Variants in SRGAP3 observed in about 807,000 individuals in gnomAD.
SRGAP3 encodes the protein SLIT-ROBO Rho GTPase activating protein 3, also known as SLIT-ROBO Rho GTPase-activating protein 3.
Under a neutral mutation model 121.1 loss-of-function variants are expected in SRGAP3, and 39 were observed. The ratio of observed to expected loss-of-function variants is 0.32; its 90% confidence interval spans 0.25 to 0.42. The LOEUF is 0.42. SRGAP3 is among the 10% of genes least tolerant of loss of function. The pLI, the probability that SRGAP3 is intolerant of heterozygous loss-of-function variation, is 1.00. For missense variants in SRGAP3, 1,213 were observed against 1,470.6 expected (o/e 0.82, Z 2.86); for synonymous variants, 601 against 570.0 (o/e 1.05, Z -0.77).
At chr3:9,015,852 TCCCCCACATATGAGGC>T in intron 14 of SRGAP3, 121 bp from the exon 15 acceptor site, 2 of 1,216,148 alleles carry the variant, frequency 1.6e-6, no homozygotes, top group South Asian at 2.5e-5. Flanking sequence ...GGGAAAAGTC[TCCCCCACATATGAGGC>T]CCCCCACTTC....
chr3:9,176,808 A>G (rs1951195712), intron 1 of SRGAP3, among the ~76,000 whole-genome samples: 1 of 152,184 alleles, frequency 6.6e-6, no homozygotes, highest in South Asian at 2.1e-4. Context: ...GGGCTAAGCC[A>G]TTCAAGAGGG....
intron 3 of SRGAP3, among the ~76,000 whole-genome samples, chr3:9,080,492 A>G (rs746611550): frequency 3.9e-5 from 6 of 152,172 alleles, no homozygotes; most frequent in Non-Finnish European, 7.3e-5. Context: ...GGTTCCATAG[A>G]ACACACTTTG....
intron 14 of SRGAP3, 48 bp downstream of exon 14, chr3:9,025,213 C>T: frequency 1.3e-6 from 2 of 1,599,304 alleles, no homozygotes; most frequent in South Asian, 2.2e-5. Flanking sequence ...TGAATATTCA[C>T]CCTGGCTTCC....
chr3:9,161,649 G>C (rs1287494181), intron 1 of SRGAP3, among the ~76,000 whole-genome samples: 4 of 152,202 alleles, frequency 2.6e-5, no homozygotes, highest in Non-Finnish European at 4.4e-5. Context: ...CCAGGACAGA[G>C]TTGCATTCTC....
chr3:9,251,942 A>C (rs1954027741), upstream of SRGAP3, among the ~76,000 whole-genome samples: 1 of 152,196 alleles, frequency 6.6e-6, no homozygotes, highest in Admixed American at 6.5e-5. Context: ...ACAGGATCCA[A>C]CACGATCATG....
chr3:9,121,855 A>C (rs1033071842), intron 2 of SRGAP3, among the ~76,000 whole-genome samples: 4 of 152,154 alleles, frequency 2.6e-5, no homozygotes, highest in African/African-American at 9.7e-5. Flanking sequence ...GGAGAGCCCA[A>C]GACTTGCTGG....
chr3:9,314,294 G>T (rs148161780), intron 3 of SRGAP3, among the ~76,000 whole-genome samples: 2,175 of 152,226 alleles, frequency 0.014, 32 homozygotes, highest in Middle Eastern at 0.034. Flanking sequence ...GGTGGCTCAT[G>T]CCTGTAATTC....
chr3:9,228,930 C>T (rs2668350), intron 1 of SRGAP3, among the ~76,000 whole-genome samples: 56,789 of 150,544 alleles, frequency 0.38, 11,426 homozygotes, highest in Admixed American at 0.47. Flanking sequence ...GGCGCGGTGG[C>T]GGGCGCCTGT....
intron 3 of SRGAP3, among the ~76,000 whole-genome samples, chr3:9,295,646 C>A (rs1954940155): frequency 6.6e-6 from 1 of 151,812 alleles, no homozygotes; most frequent in African/African-American, 2.4e-5. Flanking sequence ...ATACACATAA[C>A]ATAAATTTTA....
At chr3:9,288,958 G>A (rs563034394) in intron 3 of SRGAP3, among the ~76,000 whole-genome samples, 4 of 152,042 alleles carry the variant, frequency 2.6e-5, no homozygotes, top group South Asian at 2.1e-4. Flanking sequence ...GTTCAGTGGC[G>A]TGATCTTGGC....
chr3:8,997,199 T>G (rs1157566941), intron 18 of SRGAP3, among the ~76,000 whole-genome samples: 1 of 152,154 alleles, frequency 6.6e-6, no homozygotes, highest in Non-Finnish European at 1.5e-5. Context: ...TCTCCCACAC[T>G]CTGTTACCCA....
intron 4 of SRGAP3, among the ~76,000 whole-genome samples, chr3:9,072,885 T>C (rs1194665071): frequency 6.6e-6 from 1 of 152,176 alleles, no homozygotes; most frequent in Non-Finnish European, 1.5e-5. Flanking sequence ...TCTTGCATTG[T>C]TTACTGTACT....
intron 20 of SRGAP3, among the ~76,000 whole-genome samples, chr3:8,992,446 G>A (rs2124936341): frequency 6.6e-6 from 1 of 152,284 alleles, no homozygotes; most frequent in South Asian, 2.1e-4. Context: ...CTCCAAATAA[G>A]TGGGTGGAGT....
At chr3:9,104,923 C>G in intron 2 of SRGAP3, 81 bp from the exon 3 acceptor site, 1 of 1,561,524 alleles carries the variant, frequency 6.4e-7, no homozygotes, top group Non-Finnish European at 8.8e-7. Flanking sequence ...CACTTCAGCT[C>G]TTTTAACCTC....
At chr3:9,137,082 C>T (rs1039757686) in intron 1 of SRGAP3, among the ~76,000 whole-genome samples, 2 of 152,112 alleles carry the variant, frequency 1.3e-5, no homozygotes, top group Admixed American at 6.6e-5. Flanking sequence ...ACTATTATCC[C>T]GTTTTGCAGA....
chr3:9,329,537 G>A (rs1159541578), intron 2 of SRGAP3, among the ~76,000 whole-genome samples: 4 of 152,014 alleles, frequency 2.6e-5, no homozygotes, highest in Non-Finnish European at 5.9e-5. Context: ...CCCAACCTCC[G>A]ACTAGAAATT....
chr3:9,145,334 G>A (rs1189013041), intron 1 of SRGAP3, among the ~76,000 whole-genome samples: 1 of 152,122 alleles, frequency 6.6e-6, no homozygotes, highest in Admixed American at 6.5e-5. Context: ...GACCTCAGGT[G>A]GTCCACTTAC....
intron 9 of SRGAP3, among the ~76,000 whole-genome samples, chr3:9,050,043 T>A (rs1445119096): frequency 1.3e-5 from 2 of 152,194 alleles, no homozygotes; most frequent in African/African-American, 2.4e-5. Context: ...TTTTGCCATG[T>A]TGCCCACGCT....
At chr3:9,023,146 A>G (rs573534542) in intron 14 of SRGAP3, among the ~76,000 whole-genome samples, 2 of 152,326 alleles carry the variant, frequency 1.3e-5, no homozygotes. Flanking sequence ...TGGAGGCACC[A>G]TGCAGTGAGT....
Sources: gnomAD v4.1 joint callset for allele counts (sites outside exome capture counted in the v4.1 genomes callset) on GRCh38, gnomAD v4.1.1 for gene constraint, MANE v1.5 for transcripts, NCBI Gene and HGNC (gene_info 2026-07-23, HGNC 2026-07-21) for gene names.